The following ACO1 variants were observed in gnomAD, a reference collection of about 807,000 sequenced individuals.
The protein encoded by ACO1 is cytoplasmic aconitate hydratase.
ACO1 carries 78 observed loss-of-function variants against 105.1 expected under a neutral mutation model. The ratio of observed to expected loss-of-function variants is 0.74; its 90% CI spans 0.62 to 0.90. ACO1 has a LOEUF of 0.90. ACO1 is among the 40% of genes least tolerant of loss of function. ACO1 has a pLI of 0.00. For synonymous variants in ACO1, 364 were observed against 397.4 expected (o/e 0.92, Z 1.00); for missense variants, 965 against 1,111.1 (o/e 0.87, Z 1.87).
chr9:32,419,935 T>A (rs1236863959), intron 7 of ACO1, among the ~76,000 whole-genome samples: 2 of 152,262 alleles, frequency 1.3e-5, no homozygotes, highest in Non-Finnish European at 2.9e-5. Context: ...TGGGGTCCTT[T>A]GCATGGACAT....
In ACO1 at chr9:32,454,519, G is replaced by A. The variant is rs1254155684; in HGVS notation, c.*4408G>A. 3.9e-5 allele frequency: 6 copies of A among 152,030 alleles called. No homozygotes were observed. In the East Asian group the frequency reaches 7.7e-4, roughly 20 times the overall value. 9.4% of individuals were successfully genotyped at this position (152,030 alleles called of 1,614,324 possible). The stretch of plus-strand genomic sequence containing the variant: ...ACCACAGGAGCTTCAAAACATACAC[G>A]GCTGGACACCCTGCCAGGATGCTCT... On this transcript the variant is annotated 3_prime_UTR_variant, in exon 21 of 21. Coordinates refer to ENST00000309951, the MANE Select transcript of ACO1 (RefSeq NM_002197.3).
intron 12 of ACO1, among the ~76,000 whole-genome samples, chr9:32,428,509 T>A (rs1473988163): frequency 6.6e-6 from 1 of 151,742 alleles, no homozygotes; most frequent in African/African-American, 2.4e-5. Flanking sequence ...CTTTTTTTTT[T>A]AATAAACAAA....
chr9:32,448,676 G>A (rs375710908), intron 19 of ACO1, among the ~76,000 whole-genome samples: 6 of 152,192 alleles, frequency 3.9e-5, no homozygotes, highest in Admixed American at 2.0e-4. Flanking sequence ...CATCCTCCAT[G>A]GGCTGCACCC....
intron 1 of ACO1, among the ~76,000 whole-genome samples, chr9:32,391,899 C>T (rs755192458): frequency 7.9e-5 from 12 of 152,106 alleles, no homozygotes; most frequent in Non-Finnish European, 1.0e-4. Flanking sequence ...TTTGTATTAA[C>T]GGCAGAATCA....
chr9:32,417,939 A>G (rs1387028709), intron 4 of ACO1, among the ~76,000 whole-genome samples, 189 bp from the exon 5 acceptor site: 1 of 152,206 alleles, frequency 6.6e-6, no homozygotes, highest in Non-Finnish European at 1.5e-5. Context: ...TGAACCAAAC[A>G]ATAATTACTC....
At chr9:32,434,382 G>T (rs753099555) in intron 16 of ACO1, among the ~76,000 whole-genome samples, 177 bp from the exon 17 acceptor site, 1 of 152,196 alleles carries the variant, frequency 6.6e-6, no homozygotes, top group Non-Finnish European at 1.5e-5. Context: ...AATGTTTTGA[G>T]TAAATTCACC....
chr9:32,433,365 C>T (rs1278489210), intron 15 of ACO1, among the ~76,000 whole-genome samples: 2 of 152,128 alleles, frequency 1.3e-5, no homozygotes, highest in African/African-American at 2.4e-5. Context: ...TCTCGAGTAG[C>T]TCGGACTACA....
chr9:32,414,030 TC>T (rs1821797824), intron 4 of ACO1, among the ~76,000 whole-genome samples: 1 of 152,116 alleles, frequency 6.6e-6, no homozygotes, highest in Admixed American at 6.5e-5. Flanking sequence ...GCGCCTGTAG[TC>T]CCAGCTACTT....
intron 18 of ACO1, among the ~76,000 whole-genome samples, chr9:32,438,066 A>C (rs1426659320): frequency 2.1e-4 from 32 of 152,192 alleles, no homozygotes; most frequent in Admixed American, 2.1e-3. Flanking sequence ...ATTTTAAAAC[A>C]CTCCAAGTTA....
At chr9:32,404,268 A>T (rs1047387537) in intron 1 of ACO1, among the ~76,000 whole-genome samples, 11 of 151,940 alleles carry the variant, frequency 7.2e-5, no homozygotes, top group South Asian at 6.2e-4. Flanking sequence ...CTCCCCATAG[A>T]TTTCCCCCCA....
intron 1 of ACO1, among the ~76,000 whole-genome samples, chr9:32,398,099 G>T (rs1359654820): frequency 6.6e-6 from 1 of 152,092 alleles, no homozygotes; most frequent in Non-Finnish European, 1.5e-5. Context: ...TCCTCCTCCT[G>T]CTGTGTGGAA....
chr9:32,398,585 T>C lies in ACO1; in HGVS notation c.-22-6900T>C, dbSNP rs375081221. Among the ~76,000 whole-genome samples the C allele has an allele frequency of 6.0e-3, 874 of 145,686 alleles. 8 individuals are homozygous for C. Among genetic ancestry groups the C allele is most frequent in the African/African-American group, 0.02 (823 of 40,256 alleles). On this transcript the variant is annotated intron_variant, in intron 1 of 20. Coordinates refer to ENST00000309951, the MANE Select transcript of ACO1 (RefSeq NM_002197.3). Reference sequence around the variant, plus strand: ...TTTTTCTTTCTTTCTTTGTTTTTTTTTGTTTGTTTGTTTTGTTTTGTTTTT... The same window carrying C: ...TTTTTCTTTCTTTCTTTGTTTTTTTCTGTTTGTTTGTTTTGTTTTGTTTTT...
intron 1 of ACO1, among the ~76,000 whole-genome samples, chr9:32,396,118 A>G (rs1821368478): frequency 6.6e-6 from 1 of 152,258 alleles, no homozygotes; most frequent in African/African-American, 2.4e-5. Context: ...TTCCAGTGTT[A>G]CTTAATAATG....
chr9:32,411,348 G>A (rs1375419098), intron 4 of ACO1, among the ~76,000 whole-genome samples: 1 of 152,220 alleles, frequency 6.6e-6, no homozygotes, highest in Non-Finnish European at 1.5e-5. Flanking sequence ...GGAGGGAGCA[G>A]TTCTTATGAA....
At chr9:32,386,701 G>C (rs926965935) in intron 1 of ACO1, among the ~76,000 whole-genome samples, 6 of 152,224 alleles carry the variant, frequency 3.9e-5, no homozygotes, top group African/African-American at 1.4e-4. Context: ...GTCCACAGGA[G>C]AAGGAAATGG....
At chr9:32,397,822 A>T (rs1821403692) in intron 1 of ACO1, among the ~76,000 whole-genome samples, 1 of 152,140 alleles carries the variant, frequency 6.6e-6, no homozygotes, top group African/African-American at 2.4e-5. Flanking sequence ...ATACAGGAGA[A>T]ATCTTTTTCT....
intron 11 of ACO1, among the ~76,000 whole-genome samples, chr9:32,426,775 A>G (rs1822109551): frequency 6.6e-6 from 1 of 152,126 alleles, no homozygotes; most frequent in Non-Finnish European, 1.5e-5. Context: ...CCTAAGACAG[A>G]GCACCCAGTG....
intron 14 of ACO1, among the ~76,000 whole-genome samples, chr9:32,431,243 C>T (rs1027616482): frequency 1.2e-4 from 19 of 152,182 alleles, no homozygotes; most frequent in Admixed American, 1.2e-3. Flanking sequence ...TCTGATAAGG[C>T]GTCACTCTGA....
chr9:32,436,454 T>C lies in ACO1; in HGVS notation c.2247+57T>C. On this transcript the variant is annotated intron_variant, in intron 18 of 20. Coordinates refer to ENST00000309951, the MANE Select transcript of ACO1 (RefSeq NM_002197.3). ...TAGCATTTGTCAGCCTTGGTGGAGG[T>C]TGGATATTTACAGTTACTCGCCTTT... is the stretch of plus-strand genomic sequence containing the variant. 5.0e-6 allele frequency: 8 copies of C among 1,595,998 alleles called. No individual in the cohort carries two copies. The South Asian group carries it at 8.8e-5, about 18-fold the overall frequency.
Sources: gnomAD v4.1 joint callset for allele counts (sites outside exome capture counted in the v4.1 genomes callset) on GRCh38, gnomAD v4.1.1 for gene constraint, MANE v1.5 for transcripts, NCBI Gene and HGNC (gene_info 2026-07-23, HGNC 2026-07-21) for gene names.